WDR19: variants seen among roughly 807,000 people sequenced by gnomAD.
WDR19 encodes the protein WD repeat-containing protein 19.
In WDR19, 121 loss-of-function variants were observed where a neutral mutation model predicts 180.0. That is an observed-to-expected ratio of 0.67 (90% confidence interval 0.58 to 0.78). The LOEUF is 0.78. WDR19 is among the 30% of genes least tolerant of loss of function. WDR19 has a pLI of 0.00. For missense variants in WDR19, 1,450 were observed against 1,640.7 expected (o/e 0.88, Z 2.01); for synonymous variants, 497 against 540.7 (o/e 0.92, Z 1.12).
At chr4:39,280,119 G>GTTTT (rs551041321) in intron 36 of WDR19, among the ~76,000 whole-genome samples, 11 of 53,958 alleles carry the variant, frequency 2.0e-4, no homozygotes, top group African/African-American at 6.2e-4. Flanking sequence ...CCCTTTTCTT[G>GTTTT]TTTTTTTTTT....
intron 3 of WDR19, 33 bp downstream of exon 3, chr4:39,186,637 C>T: frequency 6.9e-7 from 1 of 1,439,612 alleles, no homozygotes; most frequent in Non-Finnish European, 9.4e-7. Context: ...AAAAACCTGT[C>T]AAGTTTTGTT....
At chr4:39,219,406 C>A (rs1489450479) in intron 14 of WDR19, among the ~76,000 whole-genome samples, 1 of 152,172 alleles carries the variant, frequency 6.6e-6, no homozygotes, top group Non-Finnish European at 1.5e-5. Context: ...CCATCGCCAA[C>A]CGAAACATTA....
At chr4:39,275,476 A>C (rs1735809230) in intron 33 of WDR19, 1 of 173,714 alleles carries the variant, frequency 5.8e-6, no homozygotes, top group Non-Finnish European at 1.3e-5. Flanking sequence ...AGCTGGTGTC[A>C]CCGTGCCTTG....
At chr4:39,230,667 T>A (rs1391807052) in intron 17 of WDR19, among the ~76,000 whole-genome samples, 1 of 152,202 alleles carries the variant, frequency 6.6e-6, no homozygotes, top group Non-Finnish European at 1.5e-5. Context: ...TATCTGTCTC[T>A]TCCACCTTCC....
rs1463838710 is a variant in WDR19 at position 39,185,718 on chromosome 4, T to C, written c.7-8T>C. ...TTGAAAATATTAAAAATTGTGTTTA[T>C]TTTTTAGCGTATTTTCTCACTGCTA... is the stretch of plus-strand genomic sequence containing the variant. On this transcript the variant is annotated splice_polypyrimidine_tract_variant and splice_region_variant and intron_variant, in intron 1 of 36. Coordinates refer to ENST00000399820, the MANE Select transcript of WDR19 (RefSeq NM_025132.4). 9 of 1,551,774 alleles carry C rather than the reference T, an allele frequency of 5.8e-6. No homozygotes were observed. Among genetic ancestry groups the C allele is most frequent in the Non-Finnish European group, 7.0e-6 (8 of 1,146,744 alleles).
At chr4:39,272,918 C>A in intron 31 of WDR19, 62 bp from the exon 32 acceptor site, 1 of 1,373,332 alleles carries the variant, frequency 7.3e-7, no homozygotes, top group Non-Finnish European at 9.9e-7. Flanking sequence ...TTTGGGGGAA[C>A]AAAGCATGAA....
At chr4:39,190,141 C>T (rs778067116) in intron 4 of WDR19, among the ~76,000 whole-genome samples, 2 of 152,172 alleles carry the variant, frequency 1.3e-5, no homozygotes, top group African/African-American at 4.8e-5. Context: ...TCTATATTGA[C>T]TTTATTCTAA....
intron 20 of WDR19, chr4:39,237,612 A>G (rs565256939): frequency 6.6e-6 from 1 of 152,316 alleles, no homozygotes; most frequent in East Asian, 1.9e-4. Context: ...TCTTATTTCA[A>G]ATTTTCTATT....
chr4:39,246,164 C>T (rs1432478950), intron 24 of WDR19, among the ~76,000 whole-genome samples: 4 of 152,168 alleles, frequency 2.6e-5, no homozygotes, highest in Non-Finnish European at 4.4e-5. Flanking sequence ...TTATTTTAAA[C>T]TAATAACCAT....
At chr4:39,284,917 C>A (rs1275071357) in intron 36 of WDR19, among the ~76,000 whole-genome samples, 1 of 152,050 alleles carries the variant, frequency 6.6e-6, no homozygotes, top group African/African-American at 2.4e-5. Flanking sequence ...AGGCGCAGAA[C>A]CTGTGGCCAT....
chr4:39,184,971 C>A (rs541089787), intron 1 of WDR19, among the ~76,000 whole-genome samples: 26 of 151,628 alleles, frequency 1.7e-4, no homozygotes, highest in Non-Finnish European at 3.1e-4. Context: ...TTTATCTTAC[C>A]CAGTATATCA....
intron 21 of WDR19, among the ~76,000 whole-genome samples, chr4:39,240,723 G>A (rs1476579795): frequency 1.3e-5 from 2 of 152,084 alleles, no homozygotes; most frequent in Non-Finnish European, 2.9e-5. Context: ...AGGCCAAGGT[G>A]GGCGGATCAC....
intron 1 of WDR19, among the ~76,000 whole-genome samples, chr4:39,183,173 T>C (rs1725130109): frequency 6.6e-6 from 1 of 151,768 alleles, no homozygotes; most frequent in Non-Finnish European, 1.5e-5. Context: ...TTTCTAGGCT[T>C]GGGCTTCTTG....
intron 36 of WDR19, among the ~76,000 whole-genome samples, chr4:39,281,433 T>C (rs1390231917): frequency 9.1e-6 from 1 of 109,442 alleles, no homozygotes; most frequent in Non-Finnish European, 1.8e-5. Flanking sequence ...TTCTTTGCCG[T>C]TGACGTGTTT....
In WDR19 at chr4:39,189,770, C is replaced by T. The variant is rs1725959985; in HGVS notation, c.279C>T (p.Asp93=). The part of the protein sequence containing the change: ...DANTNKTSQL[D]NGMRDQMSFL... ...ACACAAATAAGACCAGCCAGTTAGA[C>T]AATGGCATGAGGTAAGATAACTTTT... The change falls in exon 4 of 37, where the codon GAC becomes GAT. Residue 93 remains aspartate, a synonymous_variant. Transcript: ENST00000399820. 1.2e-6 allele frequency: 2 copies of T among 1,602,926 alleles called. No individual in the cohort carries two copies. The highest frequency in any genetic ancestry group is 2.7e-5 in the African/African-American group (2 of 74,434).
chr4:39,201,082 G>C (rs1456381028), intron 6 of WDR19, among the ~76,000 whole-genome samples: 1 of 152,034 alleles, frequency 6.6e-6, no homozygotes, highest in Non-Finnish European at 1.5e-5. Flanking sequence ...TTGGGGTCGG[G>C]GGTTTCCTCT....
intron 6 of WDR19, among the ~76,000 whole-genome samples, chr4:39,203,112 C>CT (rs553565048): frequency 0.02 from 2,658 of 135,612 alleles, 51 homozygotes; most frequent in East Asian, 0.054. Flanking sequence ...CTTTTTCTTT[C>CT]TTTTTTTTTT....
Position 39,228,301 on chromosome 4 carries a change from T to G in WDR19, c.1721T>G (p.Ile574Ser). The change falls in exon 16 of 37, where the codon ATT (isoleucine) becomes AGT (serine). Residue 574 changes from isoleucine to serine, a missense_variant. Transcript: ENST00000399820. ...TGGCCAATGGATAAAGGTGTATTTA[T>G]TGCTTATGATGATGATAAGGTGTAC... ...ENWPMDKGVF[I>S]AYDDDKVYTY... is the part of the protein sequence containing the mutation. 1 of 1,613,520 alleles carries G rather than the reference T, an allele frequency of 6.2e-7. No individual in the cohort carries two copies. The highest frequency in any genetic ancestry group is 8.5e-7 in the Non-Finnish European group (1 of 1,179,630).
intron 24 of WDR19, among the ~76,000 whole-genome samples, chr4:39,251,467 T>A (rs959873488): frequency 3.3e-5 from 5 of 151,186 alleles, no homozygotes; most frequent in Non-Finnish European, 7.4e-5. Flanking sequence ...ACTTCATGTC[T>A]AAAACACCAA....
Sources: gnomAD v4.1 joint callset for allele counts (sites outside exome capture counted in the v4.1 genomes callset) on GRCh38, gnomAD v4.1.1 for gene constraint, MANE v1.5 for transcripts, NCBI Gene and HGNC (gene_info 2026-07-23, HGNC 2026-07-21) for gene names.